Variants in DPH6 observed in about 807,000 individuals in gnomAD.
DPH6 encodes diphthine--ammonia ligase.
In DPH6, 33 loss-of-function variants were observed where a neutral mutation model predicts 38.2. The ratio of observed to expected loss-of-function variants is 0.86; its 90% CI spans 0.65 to 1.15. The LOEUF is 1.15. Ranked by LOEUF, DPH6 falls within the 50% of genes most tolerant of loss-of-function variation. The probability of loss-of-function intolerance (pLI) is 0.00; values close to 1 mark genes in which losing one functional copy is unlikely to be tolerated. For synonymous variants in DPH6, 108 were observed against 103.0 expected, an observed-to-expected ratio of 1.05 and a Z score of -0.30; for missense variants, 325 against 320.0, an observed-to-expected ratio of 1.02 and a Z score of -0.12.
chr15:35,489,879 T>C (rs2054454036), intron 3 of DPH6: 1 of 965,548 alleles, frequency 1.0e-6, no homozygotes, highest in Non-Finnish European at 1.2e-6. Context: ...TTTTTTAATG[T>C]TTTATACATT....
At chr15:35,493,028 T>C (rs1367978438) in intron 3 of DPH6, among the ~76,000 whole-genome samples, 3 of 152,078 alleles carry the variant, frequency 2.0e-5, no homozygotes, top group African/African-American at 7.3e-5. Flanking sequence ...TTAAAAAAGA[T>C]AGTGCCATTT....
Position 35,403,822 on chromosome 15 carries a change from C to CT in DPH6, c.567+7012dup, listed in dbSNP as rs550585754. On this transcript the variant is annotated intron_variant, in intron 6 of 8. Transcript: ENST00000256538. ...TCCTGCTCAGCTTATTCATTCATTC[C>CT]TTTTTTTTTTTTTTTGTACCCATTA... Among the ~76,000 whole-genome samples, 821 of 141,984 alleles carry CT rather than the reference C, an allele frequency of 5.8e-3. 4 individuals are homozygous for CT. Among genetic ancestry groups the CT allele is most frequent in the African/African-American group, 0.014 (557 of 39,010 alleles). 93.1% of individuals were successfully genotyped at this position (141,984 alleles called of 152,430 possible). A position where few individuals can be genotyped will look rare whatever the true frequency, so the allele number is the denominator to read the frequency against.
chr15:35,474,299 A>G (rs77187661), intron 3 of DPH6, among the ~76,000 whole-genome samples: 2,778 of 152,274 alleles, frequency 0.018, 87 homozygotes, highest in African/African-American at 0.062. Flanking sequence ...TTACTGCCTG[A>G]AGTGCTGTTA....
chr15:35,281,491 A>G (rs1447983705), intron 3 of DPH6, among the ~76,000 whole-genome samples: 1 of 152,250 alleles, frequency 6.6e-6, no homozygotes, highest in African/African-American at 2.4e-5. Flanking sequence ...CATGAAGAAA[A>G]TGACCAAAAG....
At chr15:35,475,087 T>G (rs893839823) in intron 3 of DPH6, among the ~76,000 whole-genome samples, 1 of 151,916 alleles carries the variant, frequency 6.6e-6, no homozygotes, top group African/African-American at 2.4e-5. Context: ...ACCGCAGACC[T>G]AGTAAAGTAT....
At chr15:35,528,067 G>A (rs745679891) in intron 3 of DPH6, among the ~76,000 whole-genome samples, 7 of 152,062 alleles carry the variant, frequency 4.6e-5, no homozygotes, top group South Asian at 2.1e-4. Flanking sequence ...TTGATTTACC[G>A]GCAAATGTGT....
chr15:35,445,395 C>CAAA (rs11331685), intron 5 of DPH6, among the ~76,000 whole-genome samples: 10 of 125,518 alleles, frequency 8.0e-5, no homozygotes, highest in African/African-American at 2.6e-4. Flanking sequence ...TCATCATCAT[C>CAAA]AAAAAAAAAA....
chr15:35,386,042 T>C (rs1041661517), intron 6 of DPH6, among the ~76,000 whole-genome samples: 1 of 152,042 alleles, frequency 6.6e-6, no homozygotes, highest in Non-Finnish European at 1.5e-5. Context: ...TTCCCCTTCC[T>C]GTGTCCATGT....
the DPH6 span, among the ~76,000 whole-genome samples, chr15:35,211,939 C>T: frequency 5.3e-5 from 8 of 152,242 alleles, no homozygotes; most frequent in African/African-American, 9.6e-5. Flanking sequence ...GCTCTACATA[C>T]ATCACCCATG....
chr15:35,230,024 G>A (rs1177034760), intron 3 of DPH6, among the ~76,000 whole-genome samples: 2 of 152,168 alleles, frequency 1.3e-5, no homozygotes, highest in African/African-American at 4.8e-5. Context: ...ACCCAGGCCT[G>A]CTGCAACCAC....
At chr15:35,317,023 T>C (rs2052195721) in intron 3 of DPH6, among the ~76,000 whole-genome samples, 1 of 152,146 alleles carries the variant, frequency 6.6e-6, no homozygotes. Context: ...TTTGTAAGGC[T>C]GAGGCAGGCA....
At chr15:35,345,094 T>C (rs1273777021) in intron 3 of DPH6, among the ~76,000 whole-genome samples, 1 of 151,894 alleles carries the variant, frequency 6.6e-6, no homozygotes, top group South Asian at 2.1e-4. Flanking sequence ...CCATATTTTA[T>C]AGATGAGTGA....
intron 3 of DPH6, among the ~76,000 whole-genome samples, chr15:35,529,443 A>G (rs2055054135): frequency 6.6e-6 from 1 of 152,132 alleles, no homozygotes; most frequent in African/African-American, 2.4e-5. Context: ...CTACTCCAAC[A>G]CTGGGAATCA....
chr15:35,474,952 T>C (rs1226059459), intron 3 of DPH6, among the ~76,000 whole-genome samples: 2 of 151,678 alleles, frequency 1.3e-5, no homozygotes, highest in African/African-American at 4.8e-5. Flanking sequence ...TACAATCACA[T>C]TTGGGATTAA....
intron 3 of DPH6, among the ~76,000 whole-genome samples, chr15:35,231,518 T>G (rs2051517549): frequency 6.6e-6 from 1 of 152,208 alleles, no homozygotes; most frequent in Non-Finnish European, 1.5e-5. Context: ...GCTTTTTTTG[T>G]GTGTAGAAAG....
At chr15:35,490,242 T>G (rs1566929034) in intron 3 of DPH6, 11 of 962,758 alleles carry the variant, frequency 1.1e-5, no homozygotes, top group African/African-American at 1.8e-5. Flanking sequence ...GAAAAACAAA[T>G]AAGAAGACAG....
At chr15:35,330,152 T>C (rs1206451615), downstream of DPH6, among the ~76,000 whole-genome samples, 1 of 152,178 alleles carries the variant, frequency 6.6e-6, no homozygotes, top group Non-Finnish European at 1.5e-5. Flanking sequence ...GAAGGCATGA[T>C]TTCTTTGCTT....
chr15:35,479,799 G>A (rs2054305340), intron 3 of DPH6, among the ~76,000 whole-genome samples: 2 of 151,934 alleles, frequency 1.3e-5, no homozygotes, highest in African/African-American at 2.4e-5. Flanking sequence ...ATGCAAGACT[G>A]TTAACAGATT....
chr15:35,237,448 T>G lies in DPH6; in HGVS notation n.201-16866A>C, dbSNP rs1333149672. On this transcript the variant is annotated intron_variant and non_coding_transcript_variant, in intron 3 of 3. Coordinates refer to the DPH6 transcript ENST00000560386. ...AACTCGAAGGCCTCACAGATGAATC[T>G]GAATAACTGGAATTCTTCAGTGCAA... 4 of 1,602,878 alleles carry G rather than the reference T, an allele frequency of 2.5e-6. No homozygotes were observed. In the African/African-American group the frequency reaches 4.0e-5, roughly 16 times the overall value.
Sources: gnomAD v4.1 joint callset for allele counts (sites outside exome capture counted in the v4.1 genomes callset) on GRCh38, gnomAD v4.1.1 for gene constraint, MANE v1.5 for transcripts, NCBI Gene and HGNC (gene_info 2026-07-23, HGNC 2026-07-21) for gene names.